Variants in NPFFR2 observed in about 807,000 individuals in gnomAD.
The protein encoded by NPFFR2 is neuropeptide FF receptor 2.
A neutral mutation model predicts 13.1 loss-of-function variants in NPFFR2; 15 were observed. The ratio of observed to expected loss-of-function variants is 1.15; its 90% CI spans 0.77 to 1.76. The LOEUF (loss-of-function observed/expected upper bound fraction) is 1.76. Among genes scored for constraint, NPFFR2 ranks in the 40% most tolerant of loss-of-function variants. The pLI is 0.00. For synonymous variants in NPFFR2, 190 were observed against 175.7 expected (o/e 1.08, Z -0.65); for missense variants, 572 against 503.5 (o/e 1.14, Z -1.30).
At chr4:72,121,598 A>G (rs1477406221) in intron 1 of NPFFR2, among the ~76,000 whole-genome samples, 1 of 152,224 alleles carries the variant, frequency 6.6e-6, no homozygotes, top group East Asian at 1.9e-4. Context: ...GCCAATATTC[A>G]ACATTCTTAA....
Position 72,103,979 on chromosome 4 carries a change from G to A in NPFFR2, c.-7-24606G>A, listed in dbSNP as rs144399056. On this transcript the variant is annotated intron_variant, in intron 1 of 3. Transcript: ENST00000308744. ...AAAATCAGTGATTATTTCAAAAGCT[G>A]GTAACAGTTTTTGAAGATTAGCATT... Among the ~76,000 whole-genome samples the A allele has an allele frequency of 5.9e-5, 9 of 151,768 alleles. No individual in the cohort carries two copies. The East Asian group carries it at 1.6e-3, about 26-fold the overall frequency.
chr4:72,032,055 A>G lies in NPFFR2; in HGVS notation c.-153A>G. 1.9e-6 allele frequency: 3 copies of G among 1,614,078 alleles called. No individual in the cohort carries two copies. Among genetic ancestry groups the G allele is most frequent in the Non-Finnish European group, 2.5e-6 (3 of 1,179,982 alleles). On this transcript the variant is annotated 5_prime_UTR_variant, in exon 1 of 4. Coordinates refer to ENST00000308744, the MANE Select transcript of NPFFR2 (RefSeq NM_004885.3). ...CTGGAGCGGAAGCCTGGAGTGGAGC[A>G]GGCAGTCCGCGGGGGACAGACGTCG...
intron 1 of NPFFR2, among the ~76,000 whole-genome samples, chr4:72,054,357 A>G (rs991634348): frequency 2.0e-5 from 3 of 151,858 alleles, no homozygotes; most frequent in African/African-American, 2.4e-5. Context: ...ATTTTAGACA[A>G]TGGATCCAAG....
At chr4:72,106,056 G>T (rs1439123369) in intron 1 of NPFFR2, among the ~76,000 whole-genome samples, 3 of 152,080 alleles carry the variant, frequency 2.0e-5, no homozygotes, top group East Asian at 1.9e-4. Flanking sequence ...GTTTGTTGAT[G>T]TGTAATGAGT....
intron 3 of NPFFR2, 116 bp downstream of exon 3, chr4:72,138,255 T>C (rs947518349): frequency 1.5e-6 from 1 of 665,956 alleles, no homozygotes; most frequent in East Asian, 2.7e-5. Context: ...ATTCACAATA[T>C]CTACCTCTTT....
At chr4:72,125,160 C>A (rs6810938) in intron 1 of NPFFR2, among the ~76,000 whole-genome samples, 2,378 of 152,202 alleles carry the variant, frequency 0.016, 66 homozygotes, top group African/African-American at 0.054. Flanking sequence ...ATGAGGCTAA[C>A]AAACATATGG....
intron 1 of NPFFR2, among the ~76,000 whole-genome samples, chr4:72,106,197 C>T (rs73824742): frequency 0.013 from 2,009 of 152,072 alleles, 50 homozygotes; most frequent in African/African-American, 0.045. Flanking sequence ...AGTGGACTTG[C>T]GTCTGCCTTA....
chr4:72,102,012 A>G (rs1721264518), intron 1 of NPFFR2, among the ~76,000 whole-genome samples: 2 of 152,284 alleles, frequency 1.3e-5, no homozygotes, highest in Admixed American at 6.5e-5. Context: ...TGGAAATACC[A>G]TATTTCCTTG....
Position 72,109,080 on chromosome 4 carries a change from A to G in NPFFR2, c.-7-19505A>G, listed in dbSNP as rs191013768. 2.9e-3 allele frequency among the ~76,000 whole-genome samples: 438 copies of G among 152,194 alleles called. 4 individuals carry two copies. The highest frequency in any genetic ancestry group is 3.9e-3 in the South Asian group (19 of 4,834). ...CACACCATACATTAGTAAAACTTAC[A>G]GTATCAATCAGGGCAATGTGTCTCT... is the stretch of plus-strand genomic sequence containing the variant. On this transcript the variant is annotated intron_variant, in intron 1 of 3. Transcript: ENST00000308744.
chr4:72,132,297 G>C (rs1051584745), intron 2 of NPFFR2, among the ~76,000 whole-genome samples: 9 of 152,106 alleles, frequency 5.9e-5, no homozygotes, highest in Non-Finnish European at 8.8e-5. Context: ...ATGGCCTCCA[G>C]CTCCATCCAT....
intron 1 of NPFFR2, among the ~76,000 whole-genome samples, chr4:72,085,269 G>C (rs964847621): frequency 6.6e-6 from 1 of 152,124 alleles, no homozygotes; most frequent in Admixed American, 6.6e-5. Context: ...TTTGCTCTCA[G>C]TTTCGTATCT....
chr4:72,064,448 A>G (rs909372154), intron 1 of NPFFR2, among the ~76,000 whole-genome samples: 1 of 152,214 alleles, frequency 6.6e-6, no homozygotes, highest in Admixed American at 6.5e-5. Flanking sequence ...GCAAGCATGG[A>G]GAGCCAGAGA....
chr4:72,133,194 G>T (rs1722304985), intron 2 of NPFFR2, among the ~76,000 whole-genome samples: 1 of 152,062 alleles, frequency 6.6e-6, no homozygotes, highest in South Asian at 2.1e-4. Context: ...ATAAGGAAGG[G>T]GTGTGGTTTC....
At chr4:72,133,033 T>C (rs563476860) in intron 2 of NPFFR2, among the ~76,000 whole-genome samples, 29 of 152,294 alleles carry the variant, frequency 1.9e-4, no homozygotes, top group Non-Finnish European at 3.2e-4. Flanking sequence ...ATTTTTGCCT[T>C]TGTTGTGATT....
At chr4:72,037,549 C>T (rs964823880) in intron 1 of NPFFR2, among the ~76,000 whole-genome samples, 2 of 152,118 alleles carry the variant, frequency 1.3e-5, no homozygotes, top group African/African-American at 2.4e-5. Flanking sequence ...TGTAAGGATG[C>T]TGTATCTCAT....
At chr4:72,111,450 A>C (rs1721564033) in intron 1 of NPFFR2, among the ~76,000 whole-genome samples, 1 of 152,014 alleles carries the variant, frequency 6.6e-6, no homozygotes, top group Non-Finnish European at 1.5e-5. Context: ...CATCAGGTAC[A>C]GTTGAAGCAA....
chr4:72,045,228 G>A (rs560203820), intron 1 of NPFFR2, among the ~76,000 whole-genome samples: 12 of 152,048 alleles, frequency 7.9e-5, no homozygotes, highest in African/African-American at 2.9e-4. Flanking sequence ...TGTTTCCTTC[G>A]GATAAATACA....
chr4:72,073,694 A>G (rs968258698), intron 1 of NPFFR2, among the ~76,000 whole-genome samples: 1 of 152,050 alleles, frequency 6.6e-6, no homozygotes, highest in Non-Finnish European at 1.5e-5. Flanking sequence ...ATGTTTCTTA[A>G]AACACAATGT....
intron 1 of NPFFR2, among the ~76,000 whole-genome samples, chr4:72,086,177 C>T (rs1720765277): frequency 6.6e-6 from 1 of 152,024 alleles, no homozygotes; most frequent in African/African-American, 2.4e-5. Flanking sequence ...TTGATTAATG[C>T]AGCAATCATT....
Sources: gnomAD v4.1 joint callset for allele counts (sites outside exome capture counted in the v4.1 genomes callset) on GRCh38, gnomAD v4.1.1 for gene constraint, MANE v1.5 for transcripts, NCBI Gene and HGNC (gene_info 2026-07-23, HGNC 2026-07-21) for gene names.